The following ADGRB1 variants were observed in gnomAD, a reference collection of about 807,000 sequenced individuals.
The protein encoded by ADGRB1 is adhesion G protein-coupled receptor B1.
In ADGRB1, 36 loss-of-function variants were observed where a neutral mutation model predicts 175.7. The ratio of observed to expected loss-of-function variants is 0.20; its 90% confidence interval spans 0.16 to 0.27. ADGRB1 has a LOEUF of 0.27. ADGRB1 is among the 10% of genes least tolerant of loss of function. The pLI, the probability that ADGRB1 is intolerant of heterozygous loss-of-function variation, is 1.00. For missense variants in ADGRB1, 1,731 were observed against 2,255.3 expected (o/e 0.77, Z 4.71); for synonymous variants, 1,054 against 979.4 (o/e 1.08, Z -1.42).
chr8:142,485,527 C>T (rs955072119), intron 13 of ADGRB1, among the ~76,000 whole-genome samples: 6 of 152,174 alleles, frequency 3.9e-5, no homozygotes, highest in Non-Finnish European at 7.4e-5. Context: ...CCTGTCTCTA[C>T]AAATGTTTTT....
Position 142,464,595 on chromosome 8 carries a change from C to A in ADGRB1, c.397C>A (p.Leu133Met). 6.5e-7 allele frequency: 1 copy of A among 1,529,134 alleles called. No individual in the cohort carries two copies. The highest frequency in any genetic ancestry group is 2.0e-5 in the Admixed American group (1 of 50,224). 94.7% of individuals were successfully genotyped at this position (1,529,134 alleles called of 1,614,324 possible). A position where few individuals can be genotyped will look rare whatever the true frequency, so the allele number is the denominator to read the frequency against. Residue 133 changes from leucine to methionine, a missense_variant, in exon 2 of 31, where the codon CTG becomes ATG. Leu to Met is a conservative substitution (Grantham distance 15). Transcript: ENST00000517894. The stretch of plus-strand genomic sequence containing the variant: ...GCGGCTCTGCGACCCCTCCGCACCC[C>A]TGGCCTTCCTGCAGGCCAGCAAGCA... ...VLRLCDPSAPLAFLQASKQFL... is the reference protein window; with the variant it reads ...VLRLCDPSAPMAFLQASKQFL...
intron 7 of ADGRB1, 140 bp downstream of exon 7, chr8:142,478,500 TGGG>T (rs1360166032): frequency 2.1e-6 from 2 of 937,580 alleles, no homozygotes; most frequent in Admixed American, 3.4e-5. Context: ...CAGTGGGGTC[TGGG>T]GTGGCTGTGG....
intron 13 of ADGRB1, among the ~76,000 whole-genome samples, chr8:142,487,681 CT>C (rs1404303540): frequency 6.6e-6 from 1 of 152,190 alleles, no homozygotes; most frequent in South Asian, 2.1e-4. Flanking sequence ...CCCAAACTCT[CT>C]TCCCGTCCAG....
rs1253265679 is a variant in ADGRB1, at chr8:142,492,009, G to A, written c.2675+1194G>A. The stretch of plus-strand genomic sequence containing the variant: ...AGAGGCAGGCAGGGGCTCAGGGGAG[G>A]CCGCGGCAGGGTGAGGACAGTTAGT... On this transcript the variant is annotated intron_variant, in intron 17 of 30. Transcript: ENST00000517894. This position sits in a 1 kb window ranked among gnomAD's most constrained non-coding sequence, Gnocchi z 4.4. Among the ~76,000 whole-genome samples, 2 of 152,026 alleles carry A rather than the reference G, an allele frequency of 1.3e-5. No individual in the cohort carries two copies. The highest frequency in any genetic ancestry group is 2.9e-5 in the Non-Finnish European group (2 of 67,978).
Position 142,511,408 on chromosome 8 carries a change from C to T in ADGRB1, c.2817+335C>T, listed in dbSNP as rs1295317365. ...CCTGGGGAGAGGCTGGGTCCTGAGC[C>T]GGGGGCTGGGAGGCGTCGCCTGTGG... On this transcript the variant is annotated intron_variant, in intron 18 of 30. Coordinates refer to ENST00000517894, the MANE Select transcript of ADGRB1 (RefSeq NM_001702.3). This position sits in a 1 kb window ranked among gnomAD's most constrained non-coding sequence, Gnocchi z 4.5. Among the ~76,000 whole-genome samples the T allele has an allele frequency of 1.3e-5, 2 of 152,064 alleles. No homozygotes were observed. The highest frequency in any genetic ancestry group is 2.9e-5 in the Non-Finnish European group (2 of 67,988).
intron 1 of ADGRB1, among the ~76,000 whole-genome samples, chr8:142,460,080 G>C (rs1839897476): frequency 6.6e-6 from 1 of 152,260 alleles, no homozygotes; most frequent in African/African-American, 2.4e-5. Context: ...CTGGCGTGGG[G>C]GGGACAGGAG....
chr8:142,478,383 G>T, intron 7 of ADGRB1, 23 bp downstream of exon 7: 7 of 1,570,386 alleles, frequency 4.5e-6, no homozygotes, highest in Non-Finnish European at 6.0e-6. Flanking sequence ...CCAGGCTGGG[G>T]TCGGGGGGCA....
Position 142,524,256 on chromosome 8 carries a change from G to T in ADGRB1, c.3264G>T (p.Glu1088Asp), listed in dbSNP as rs764029236. ...TCCCCAGCTGCTGGCTCTCCCTGGAGGGGGGACTGCTCTATGCCTTCGTGG... is the reference window on the plus strand; with the variant it reads ...TCCCCAGCTGCTGGCTCTCCCTGGATGGGGGACTGCTCTATGCCTTCGTGG... Reference protein sequence around the residue: ...STMNYCWLSLEGGLLYAFVGP... With the variant: ...STMNYCWLSLDGGLLYAFVGP... Residue 1088 changes from glutamate to aspartate, a missense_variant, in exon 23 of 31, where the codon GAG becomes GAT. Physicochemically the swap from Glu to Asp is conservative, Grantham distance 45 (BLOSUM62 2). This residue lies in a region of ADGRB1 where 301 missense variants were observed against 488.4 expected (regional missense o/e 0.62). Coordinates refer to ENST00000517894, the MANE Select transcript of ADGRB1 (RefSeq NM_001702.3). 1.2e-6 allele frequency: 2 copies of T among 1,600,388 alleles called. No individual in the cohort carries two copies. The highest frequency in any genetic ancestry group is 2.2e-5 in the East Asian group (1 of 44,824).
chr8:142,464,099 C>CCCCCG lies in ADGRB1; in HGVS notation c.-100_-99insCCCCG. 9.7e-7 allele frequency: 1 copy of CCCCCG among 1,029,838 alleles called. No homozygotes were observed. Among genetic ancestry groups the CCCCCG allele is most frequent in the East Asian group, 3.7e-5 (1 of 26,900 alleles). The allele number at this position is 1,029,838 out of a possible 1,614,324, so 63.8% of individuals were successfully genotyped here. ...CACCCTTGCCCCGCCTCCCTGCCCC[C>CCCCCG]ACCGGGCCGGCCCTGCCCGCCGCCG... On this transcript the variant is annotated 5_prime_UTR_variant, in exon 2 of 31. Transcript: ENST00000517894.
intron 13 of ADGRB1, among the ~76,000 whole-genome samples, 157 bp from the exon 14 acceptor site, chr8:142,488,207 G>A (rs927817479): frequency 2.0e-5 from 3 of 152,160 alleles, no homozygotes; most frequent in Non-Finnish European, 4.4e-5. Context: ...GCTGGGGCTG[G>A]GGCAGATGGC....
At chr8:142,541,564 G>A (rs1350755433) in intron 27 of ADGRB1, among the ~76,000 whole-genome samples, 1 of 152,216 alleles carries the variant, frequency 6.6e-6, no homozygotes, top group African/African-American at 2.4e-5. Context: ...GGCCGGCTGG[G>A]CTCTGCCACC....
Position 142,542,659 on chromosome 8 carries a change from A to T in ADGRB1, c.4413+12A>T. The T allele has an allele frequency of 6.5e-7, 1 of 1,537,908 alleles. No individual in the cohort carries two copies. Among genetic ancestry groups the T allele is most frequent in the Non-Finnish European group, 8.8e-7 (1 of 1,141,442 alleles). ...TGAGCTCCCTGGAGGTGAGGGGGGCAGGGGTGGGCCACACCCCAGCCAGCG... is the reference window on the plus strand; with the variant it reads ...TGAGCTCCCTGGAGGTGAGGGGGGCTGGGGTGGGCCACACCCCAGCCAGCG... On this transcript the variant is annotated intron_variant, in intron 28 of 30. Transcript: ENST00000517894. The surrounding 1 kb of genome is among the most constrained non-coding windows in gnomAD (Gnocchi z 6.3).
At chr8:142,452,984 G>A (rs1210757183) in intron 1 of ADGRB1, among the ~76,000 whole-genome samples, 2 of 148,012 alleles carry the variant, frequency 1.4e-5, no homozygotes, top group Non-Finnish European at 3.0e-5. Context: ...CTGGCCCGCG[G>A]CTCCGGCCCC....
rs1442133196 is a variant in ADGRB1, at chr8:142,511,126, G to A, written c.2817+53G>A. ...GGGCGCCGGGCAGGGGCGCGGGCGG[G>A]GGCTGCCGGCGGGCCTGCGGGTGGG... On this transcript the variant is annotated intron_variant, in intron 18 of 30. Coordinates refer to ENST00000517894, the MANE Select transcript of ADGRB1 (RefSeq NM_001702.3). The surrounding 1 kb of genome is among the most constrained non-coding windows in gnomAD (Gnocchi z 4.5). The A allele has an allele frequency of 2.9e-6, 3 of 1,052,374 alleles. No individual in the cohort carries two copies. Among genetic ancestry groups the A allele is most frequent in the African/African-American group, 3.4e-5 (2 of 58,196 alleles). 65.2% of individuals were successfully genotyped at this position (1,052,374 alleles called of 1,614,324 possible). A position where few individuals can be genotyped will look rare whatever the true frequency, so the allele number is the denominator to read the frequency against.
In ADGRB1 at chr8:142,481,721, C is replaced by T; in HGVS notation, c.2130+10C>T. 6.5e-7 allele frequency: 1 copy of T among 1,537,352 alleles called. No individual in the cohort carries two copies. Among genetic ancestry groups the T allele is most frequent in the South Asian group, 1.2e-5 (1 of 80,186 alleles). ...CCCTGGGGACGTACAGGTGGGCTCCCCGAGCGGCATTTTGGAAGAGGGTGT... is the reference window on the plus strand; with the variant it reads ...CCCTGGGGACGTACAGGTGGGCTCCTCGAGCGGCATTTTGGAAGAGGGTGT... On this transcript the variant is annotated intron_variant, in intron 11 of 30. Coordinates refer to ENST00000517894, the MANE Select transcript of ADGRB1 (RefSeq NM_001702.3).
At chr8:142,497,900 G>A (rs928098122) in intron 17 of ADGRB1, among the ~76,000 whole-genome samples, 1 of 152,156 alleles carries the variant, frequency 6.6e-6, no homozygotes, top group Non-Finnish European at 1.5e-5. Context: ...TCACGGCTGC[G>A]GGCAAGCCCC....
At chr8:142,516,307 CGT>C (rs1843425405) in intron 18 of ADGRB1, among the ~76,000 whole-genome samples, 1 of 113,594 alleles carries the variant, frequency 8.8e-6, no homozygotes, top group Non-Finnish European at 1.7e-5. Context: ...CAGGTGCATG[CGT>C]GTGTGCGGGC....
chr8:142,510,962 GC>G lies in ADGRB1; in HGVS notation c.2709del (p.Trp904GlyfsTer29). On this transcript the variant is annotated frameshift_variant, in exon 18 of 31. Transcript: ENST00000517894. LOFTEE classifies it high-confidence loss of function. The surrounding 1 kb of genome is among the most constrained non-coding windows in gnomAD (Gnocchi z 6.3). ...PSSSAPPQLG[P>X]WSWRGCRTVP... The stretch of plus-strand genomic sequence containing the variant: ...CCTCCTCCGCCCCCCCGCAGCTCGG[GC>G]CCTGGTCGTGGCGCGGCTGCCGCAC... 7.6e-7 allele frequency: 1 copy of G among 1,313,630 alleles called. No individual in the cohort carries two copies. Among genetic ancestry groups the G allele is most frequent in the South Asian group, 1.4e-5 (1 of 70,510 alleles). The allele number at this position is 1,313,630 out of a possible 1,614,324, so 81.4% of individuals were successfully genotyped here.
Position 142,510,916 on chromosome 8 carries a change from TCCCGCC to T in ADGRB1, c.2676-14_2676-9del. The stretch of plus-strand genomic sequence containing the variant: ...ACGCTCCGCCTGTCTCCCTCCCGTG[TCCCGCC>T]CGCCCCCAGACCCTCCTCCTCCGCC... On this transcript the variant is annotated splice_polypyrimidine_tract_variant and intron_variant, in intron 17 of 30. Transcript: ENST00000517894. This position sits in a 1 kb window ranked among gnomAD's most constrained non-coding sequence, Gnocchi z 6.3. 1.0e-6 allele frequency: 1 copy of T among 969,734 alleles called. No homozygotes were observed. The highest frequency in any genetic ancestry group is 1.3e-6 in the Non-Finnish European group (1 of 789,294). The allele number at this position is 969,734 out of a possible 1,614,324, so 60.1% of individuals were successfully genotyped here. A position where few individuals can be genotyped will look rare whatever the true frequency, so the allele number is the denominator to read the frequency against.
Sources: gnomAD v4.1 joint callset for allele counts (sites outside exome capture counted in the v4.1 genomes callset) on GRCh38, gnomAD v4.1.1 for gene constraint, gnomAD v4.1.1 regional missense constraint, Gnocchi (gnomAD v3.1) non-coding constraint, MANE v1.5 for transcripts, NCBI Gene and HGNC (gene_info 2026-07-23, HGNC 2026-07-21) for gene names.